Variants in NDUFAF5 observed in about 807,000 individuals in gnomAD.
NDUFAF5 encodes the protein NADH:ubiquinone oxidoreductase complex assembly factor 5.
In NDUFAF5, 34 loss-of-function variants were observed where a neutral mutation model predicts 48.9. That is an observed-to-expected ratio of 0.70 (90% CI 0.53 to 0.93). The LOEUF is 0.93. Among genes scored for constraint, NDUFAF5 ranks in the 40% least tolerant of loss-of-function variants. The probability of loss-of-function intolerance (pLI) is 0.00; values close to 1 mark genes in which losing one functional copy is unlikely to be tolerated. For missense variants in NDUFAF5, 428 were observed against 427.5 expected (o/e 1.00, Z -0.01); for synonymous variants, 153 against 150.6 (o/e 1.02, Z -0.12).
chr20:13,787,235 A>C, intron 1 of NDUFAF5, 77 bp from the exon 2 acceptor site: 1 of 1,458,312 alleles, frequency 6.9e-7, no homozygotes, highest in Admixed American at 1.7e-5. Flanking sequence ...TTTAAAACAT[A>C]AGTAACTTGT....
Position 13,818,006 on chromosome 20 carries a change from G to A in NDUFAF5, c.*796G>A, listed in dbSNP as rs1338643191. The A allele has an allele frequency of 2.2e-6, 1 of 454,164 alleles. No individual in the cohort carries two copies. The allele number at this position is 454,164 out of a possible 1,614,324, so 28.1% of individuals were successfully genotyped here. The stretch of plus-strand genomic sequence containing the variant: ...AGAAGCAAGCAGGAGTGAGCGCTAA[G>A]TGTTTTGTTTCCAGTTAGCTGTTCG... On this transcript the variant is annotated 3_prime_UTR_variant, in exon 11 of 11. Coordinates refer to ENST00000378106, the MANE Select transcript of NDUFAF5 (RefSeq NM_024120.5).
intron 8 of NDUFAF5, among the ~76,000 whole-genome samples, chr20:13,810,820 G>C (rs575315246): frequency 6.6e-6 from 1 of 152,208 alleles, no homozygotes; most frequent in East Asian, 1.9e-4. Flanking sequence ...GGGAGAAGAG[G>C]TAGCACCAAA....
chr20:13,801,822 A>C, intron 7 of NDUFAF5, 139 bp downstream of exon 7: 2 of 691,148 alleles, frequency 2.9e-6, no homozygotes, highest in South Asian at 3.6e-5. Context: ...TTTAAGGGAA[A>C]AGCTCTGATT....
chr20:13,810,291 G>A (rs944925525), intron 8 of NDUFAF5, among the ~76,000 whole-genome samples: 5 of 152,184 alleles, frequency 3.3e-5, no homozygotes, highest in Non-Finnish European at 1.5e-5. Context: ...CCAGAAAAGT[G>A]TAGAATTGCC....
At chr20:13,786,749 C>T (rs1173580487) in intron 1 of NDUFAF5, among the ~76,000 whole-genome samples, 2 of 152,016 alleles carry the variant, frequency 1.3e-5, no homozygotes, top group Admixed American at 6.5e-5. Flanking sequence ...GTGGTGCTTA[C>T]CTTATGACTC....
chr20:13,793,909 A>G (rs1003785414), intron 4 of NDUFAF5, among the ~76,000 whole-genome samples: 2 of 152,208 alleles, frequency 1.3e-5, no homozygotes, highest in African/African-American at 4.8e-5. Context: ...TCAGTCTGAC[A>G]GCTGCTGATA....
rs146837138 is a variant in NDUFAF5, at chr20:13,785,246, G to A, written c.178G>A (p.Ala60Thr). Residue 60 changes from alanine to threonine, a missense_variant, in exon 1 of 11, where the codon GCC (alanine) becomes ACC (threonine). Coordinates refer to ENST00000378106, the MANE Select transcript of NDUFAF5 (RefSeq NM_024120.5). ...DLKRKQKNWA[A>T]RQPEPTKFDY... ...GAAAAGGAAACAGAAGAACTGGGCA[G>A]CCCGGCAGCCCGAGCCGACCAAATT... 747 of 1,613,100 alleles carry A rather than the reference G, an allele frequency of 4.6e-4. No homozygotes were observed. The highest frequency in any genetic ancestry group is 5.8e-4 in the Non-Finnish European group (680 of 1,179,692).
intron 1 of NDUFAF5, among the ~76,000 whole-genome samples, chr20:13,785,523 C>T (rs887044803): frequency 2.0e-5 from 3 of 152,160 alleles, no homozygotes; most frequent in Non-Finnish European, 4.4e-5. Context: ...CTGAAAGGAC[C>T]TTATAGAGGC....
At chr20:13,787,555 T>G (rs1427473049) in intron 2 of NDUFAF5, among the ~76,000 whole-genome samples, 1 of 152,208 alleles carries the variant, frequency 6.6e-6, no homozygotes, top group Non-Finnish European at 1.5e-5. Flanking sequence ...GAAAAGAATG[T>G]GTGGAAGCAC....
At chr20:13,795,449 A>AT (rs1376919531) in intron 5 of NDUFAF5, among the ~76,000 whole-genome samples, 1 of 152,180 alleles carries the variant, frequency 6.6e-6, no homozygotes, top group Non-Finnish European at 1.5e-5. Context: ...CCCAACAATC[A>AT]TAACTCATTC....
chr20:13,806,666 A>C (rs1181060007), intron 7 of NDUFAF5, among the ~76,000 whole-genome samples: 1 of 152,220 alleles, frequency 6.6e-6, no homozygotes, highest in Non-Finnish European at 1.5e-5. Context: ...GATATTGCTT[A>C]ATGGCTAGAT....
chr20:13,788,655 A>G lies in NDUFAF5; in HGVS notation c.327+3A>G. The G allele has an allele frequency of 6.3e-7, 1 of 1,581,892 alleles. No homozygotes were observed. Among genetic ancestry groups the G allele is most frequent in the Non-Finnish European group, 8.7e-7 (1 of 1,151,068 alleles). On this transcript the variant is annotated splice_donor_region_variant and intron_variant, in intron 3 of 10. Coordinates refer to ENST00000378106, the MANE Select transcript of NDUFAF5 (RefSeq NM_024120.5). ...ACATTGCACAATATTTGAATAAGGT[A>G]TATTTATTCAATGACCTAATTTACT...
chr20:13,790,992 C>G (rs1433776104), intron 3 of NDUFAF5, among the ~76,000 whole-genome samples: 1 of 152,184 alleles, frequency 6.6e-6, no homozygotes, highest in African/African-American at 2.4e-5. Flanking sequence ...TGGATTTGCT[C>G]ATTTTTGATC....
Position 13,818,502 on chromosome 20 carries a change from C to T in NDUFAF5, c.*1292C>T. 1 of 338,408 alleles carries T rather than the reference C, an allele frequency of 3.0e-6. No homozygotes were observed. The highest frequency in any genetic ancestry group is 5.6e-6 in the Non-Finnish European group (1 of 177,040). The allele number at this position is 338,408 out of a possible 1,614,324, so 21.0% of individuals were successfully genotyped here. On this transcript the variant is annotated 3_prime_UTR_variant, in exon 11 of 11. Transcript: ENST00000378106. ...GAAGAGAGAGAACAACAACAAAAAA[C>T]AAACTGCGCTAGCCAGGTGCAATGG...
At chr20:13,787,233 AT>A in intron 1 of NDUFAF5, 78 bp from the exon 2 acceptor site, 2 of 1,457,038 alleles carry the variant, frequency 1.4e-6, no homozygotes, top group Non-Finnish European at 1.9e-6. Context: ...ATTTTAAAAC[AT>A]AAGTAACTTG....
At chr20:13,802,504 A>G (rs1466194907) in intron 7 of NDUFAF5, among the ~76,000 whole-genome samples, 1 of 152,062 alleles carries the variant, frequency 6.6e-6, no homozygotes, top group African/African-American at 2.4e-5. Flanking sequence ...CCCCGTCTCT[A>G]CTAAAAATAC....
At chr20:13,812,541 G>C (rs1600388031) in intron 8 of NDUFAF5, among the ~76,000 whole-genome samples, 1 of 152,152 alleles carries the variant, frequency 6.6e-6, no homozygotes, top group East Asian at 1.9e-4. Context: ...AGAAAGAAAA[G>C]AGAAACATAC....
chr20:13,785,424 C>T, intron 1 of NDUFAF5, 134 bp downstream of exon 1: 1 of 716,382 alleles, frequency 1.4e-6, no homozygotes. Context: ...CCTCTTTCGG[C>T]CTCTACTGTA....
Position 13,788,579 on chromosome 20 carries a change from T to G in NDUFAF5, c.264-10T>G. The G allele has an allele frequency of 1.2e-6, 2 of 1,605,592 alleles. No homozygotes were observed. The highest frequency in any genetic ancestry group is 1.7e-6 in the Non-Finnish European group (2 of 1,172,582). ...TGGACAGAGCATAACCTCTGTGTCT[T>G]TTTTTTTAGAAATTTCCCCCTTGCT... On this transcript the variant is annotated splice_polypyrimidine_tract_variant and intron_variant, in intron 2 of 10. Coordinates refer to ENST00000378106, the MANE Select transcript of NDUFAF5 (RefSeq NM_024120.5).
Sources: allele counts gnomAD v4.1 joint callset (sites outside exome capture counted in the v4.1 genomes callset), GRCh38; gene constraint gnomAD v4.1.1; transcripts MANE v1.5; gene names NCBI Gene and HGNC (gene_info 2026-07-23, HGNC 2026-07-21).